CDH13: variants seen among roughly 807,000 people sequenced by gnomAD.
CDH13 encodes cadherin 13.
Under a neutral mutation model 63.8 loss-of-function variants are expected in CDH13, and 24 were observed. That is an observed-to-expected ratio of 0.38 (90% CI 0.27 to 0.53). The LOEUF is 0.53. Ranked by LOEUF, CDH13 falls within the 20% of genes least tolerant of loss-of-function variation. CDH13 has a pLI of 0.85. For synonymous variants in CDH13, 503 were observed against 355.3 expected (o/e 1.42, Z -4.67); for missense variants, 1,049 against 903.1 (o/e 1.16, Z -2.07).
At chr16:83,471,717 G>T (rs1406806257) in intron 6 of CDH13, among the ~76,000 whole-genome samples, 1 of 152,158 alleles carries the variant, frequency 6.6e-6, no homozygotes, top group Non-Finnish European at 1.5e-5. Context: ...TGGAACCTGG[G>T]CTCTAAACCA....
chr16:83,057,247 A>G (rs2031042597), intron 3 of CDH13, among the ~76,000 whole-genome samples: 1 of 152,142 alleles, frequency 6.6e-6, no homozygotes. Flanking sequence ...TTACAGGTGT[A>G]AGCCACTGCA....
chr16:83,153,485 G>A (rs1033072991), intron 4 of CDH13, among the ~76,000 whole-genome samples: 2 of 152,114 alleles, frequency 1.3e-5, no homozygotes, highest in African/African-American at 2.4e-5. Flanking sequence ...TAATCCCCAG[G>A]CAAGAAAGAG....
chr16:83,523,691 G>T (rs1441914285), intron 7 of CDH13, among the ~76,000 whole-genome samples: 1 of 152,198 alleles, frequency 6.6e-6, no homozygotes, highest in Non-Finnish European at 1.5e-5. Context: ...CTAGCGCTCA[G>T]ATTCCACCTC....
intron 1 of CDH13, among the ~76,000 whole-genome samples, chr16:82,654,429 G>C (rs1450149875): frequency 6.6e-6 from 1 of 152,118 alleles, no homozygotes; most frequent in Non-Finnish European, 1.5e-5. Flanking sequence ...ACTTCTCTTG[G>C]TTCTCAGAAT....
At chr16:82,672,768 T>TATAC (rs373522325) in intron 1 of CDH13, among the ~76,000 whole-genome samples, 1 of 144,566 alleles carries the variant, frequency 6.9e-6, no homozygotes, top group African/African-American at 2.6e-5. Flanking sequence ...TATATATGTG[T>TATAC]ACACACACAC....
At chr16:83,668,273 C>T (rs1914185027) in intron 8 of CDH13, among the ~76,000 whole-genome samples, 1 of 152,210 alleles carries the variant, frequency 6.6e-6, no homozygotes, top group African/African-American at 2.4e-5. Flanking sequence ...TGAGTTTCTT[C>T]TGTGCACCTA....
At chr16:82,795,293 C>T (rs146499942) in intron 1 of CDH13, among the ~76,000 whole-genome samples, 1 of 152,188 alleles carries the variant, frequency 6.6e-6, no homozygotes, top group Non-Finnish European at 1.5e-5. Flanking sequence ...GCTGAGTAAA[C>T]TCAGCCTCAG....
chr16:83,494,609 A>G (rs989590733), intron 7 of CDH13, among the ~76,000 whole-genome samples: 5 of 152,176 alleles, frequency 3.3e-5, no homozygotes, highest in African/African-American at 9.7e-5. Flanking sequence ...TACTTCCTTT[A>G]ATGTACTCAG....
chr16:83,131,885 T>G (rs2036069764), intron 4 of CDH13, among the ~76,000 whole-genome samples: 1 of 152,190 alleles, frequency 6.6e-6, no homozygotes, highest in South Asian at 2.1e-4. Context: ...GAATCAACAT[T>G]GATCATTAGA....
intron 3 of CDH13, among the ~76,000 whole-genome samples, chr16:83,057,312 G>GAAC (rs1258066445): frequency 4.6e-5 from 7 of 152,064 alleles, no homozygotes; most frequent in Admixed American, 3.3e-4. Flanking sequence ...AATACTTGTG[G>GAAC]TTACCTTTGA....
At position 83,402,298 on chromosome 16, in the gene CDH13, C is replaced by T. The variant is rs144783759; in HGVS notation, c.781+57292C>T. Reference sequence around the variant, plus strand: ...CCACCTGTCTCAGTTTTGTGCCATGCATGAGCTCATCCTCACCAATTATTG... The same window carrying T: ...CCACCTGTCTCAGTTTTGTGCCATGTATGAGCTCATCCTCACCAATTATTG... On this transcript the variant is annotated intron_variant, in intron 6 of 13. Coordinates refer to ENST00000567109, the MANE Select transcript of CDH13 (RefSeq NM_001257.5). Among the ~76,000 whole-genome samples, 203 of 152,270 alleles carry T rather than the reference C, an allele frequency of 1.3e-3. 2 individuals carry two copies. In the East Asian group the frequency reaches 0.037, roughly 28 times the overall value.
intron 9 of CDH13, among the ~76,000 whole-genome samples, chr16:83,674,649 T>C (rs577865260): frequency 6.6e-6 from 1 of 152,316 alleles, no homozygotes; most frequent in African/African-American, 2.4e-5. Flanking sequence ...CAATCCAACA[T>C]ACAGAAGAAC....
chr16:83,382,957 AAGAC>A (rs2091596702), intron 6 of CDH13: 1 of 152,228 alleles, frequency 6.6e-6, no homozygotes, highest in African/African-American at 2.4e-5. Flanking sequence ...TGCAGTGTGC[AAGAC>A]AGACCCCAAG....
At chr16:83,558,752 G>T in intron 7 of CDH13, among the ~76,000 whole-genome samples, 1 of 152,064 alleles carries the variant, frequency 6.6e-6, no homozygotes, top group East Asian at 1.9e-4. Flanking sequence ...AAGTTATGTG[G>T]GCCCTTGTTA....
chr16:83,233,484 G>T (rs1195361416), intron 5 of CDH13, among the ~76,000 whole-genome samples: 1 of 152,204 alleles, frequency 6.6e-6, no homozygotes, highest in African/African-American at 2.4e-5. Context: ...TTATCTTACA[G>T]TTGTTTAGGT....
chr16:82,879,606 G>A (rs1056914798), intron 2 of CDH13, among the ~76,000 whole-genome samples: 2 of 136,310 alleles, frequency 1.5e-5, no homozygotes, highest in African/African-American at 5.4e-5. Context: ...ATATGTAATT[G>A]TATATTTATA....
intron 5 of CDH13, among the ~76,000 whole-genome samples, chr16:83,301,757 A>G (rs1386278066): frequency 6.6e-6 from 1 of 152,098 alleles, no homozygotes; most frequent in Non-Finnish European, 1.5e-5. Context: ...TTGATGTTCA[A>G]AAATTTACAT....
chr16:82,803,748 C>T (rs2036993116), intron 1 of CDH13, among the ~76,000 whole-genome samples: 1 of 151,368 alleles, frequency 6.6e-6, no homozygotes, highest in Non-Finnish European at 1.5e-5. Flanking sequence ...TGCAGGATTC[C>T]ACTTATATGA....
chr16:83,782,563 C>T (rs1381387458), intron 12 of CDH13, among the ~76,000 whole-genome samples: 5 of 151,914 alleles, frequency 3.3e-5, no homozygotes, highest in African/African-American at 1.2e-4. Context: ...TGGTGAAACC[C>T]CATCAGTACT....
Sources: gnomAD v4.1 joint callset for allele counts (sites outside exome capture counted in the v4.1 genomes callset) on GRCh38, gnomAD v4.1.1 for gene constraint, MANE v1.5 for transcripts, NCBI Gene and HGNC (gene_info 2026-07-23, HGNC 2026-07-21) for gene names.